Variants in ARSJ observed in about 807,000 individuals in gnomAD.
The protein encoded by ARSJ is arylsulfatase J.
Under a neutral mutation model 35.9 loss-of-function variants are expected in ARSJ, and 26 were observed. That is an observed-to-expected ratio of 0.72 (90% CI 0.53 to 1.00). The LOEUF is 1.00. ARSJ is among the 50% of genes least tolerant of loss of function. The pLI is 0.00. For synonymous variants in ARSJ, 294 were observed against 267.6 expected, an observed-to-expected ratio of 1.10 and a Z score of -0.96; for missense variants, 667 against 723.6, an observed-to-expected ratio of 0.92 and a Z score of 0.90.
At position 113,965,983 on chromosome 4, in the gene ARSJ, G is replaced by C. The variant is rs557100180; in HGVS notation, c.398+12454C>G. ...AACCTCATAATGTTCAACTCCAAAG[G>C]TAATTTTAAAAAATCTGATAAAACA... On this transcript the variant is annotated intron_variant, in intron 1 of 1. Transcript: ENST00000315366. 3.0e-4 allele frequency among the ~76,000 whole-genome samples: 46 copies of C among 151,874 alleles called. 2 individuals are homozygous for C. In the South Asian group the frequency reaches 7.7e-3, roughly 25 times the overall value.
intron 1 of ARSJ, among the ~76,000 whole-genome samples, chr4:113,956,944 A>G (rs1031998622): frequency 1.3e-5 from 2 of 152,024 alleles, no homozygotes; most frequent in Non-Finnish European, 2.9e-5. Flanking sequence ...TGCAGTTTAG[A>G]AAGACAATTC....
intron 1 of ARSJ, among the ~76,000 whole-genome samples, chr4:113,965,657 T>C (rs1190352229): frequency 6.6e-6 from 1 of 152,140 alleles, no homozygotes; most frequent in African/African-American, 2.4e-5. Flanking sequence ...ACATAAGGTA[T>C]ATTTCTTAGC....
intron 1 of ARSJ, among the ~76,000 whole-genome samples, chr4:113,921,736 G>C (rs1052605598): frequency 1.8e-4 from 28 of 152,118 alleles, no homozygotes; most frequent in African/African-American, 5.8e-4. Context: ...TTTGAGGCCA[G>C]CTTTCTTTTT....
intron 1 of ARSJ, among the ~76,000 whole-genome samples, chr4:113,964,645 C>T (rs1015568843): frequency 3.3e-5 from 5 of 151,972 alleles, no homozygotes; most frequent in Non-Finnish European, 7.4e-5. Context: ...AGGTGTTAAA[C>T]AGTTGGGAGA....
chr4:113,968,326 T>C (rs2149284760), intron 1 of ARSJ, among the ~76,000 whole-genome samples: 1 of 152,248 alleles, frequency 6.6e-6, no homozygotes, highest in Non-Finnish European at 1.5e-5. Flanking sequence ...CTATATGAAG[T>C]TTATAATTTA....
At chr4:113,977,531 A>G (rs1393339634) in intron 1 of ARSJ, among the ~76,000 whole-genome samples, 1 of 152,206 alleles carries the variant, frequency 6.6e-6, no homozygotes, top group Non-Finnish European at 1.5e-5. Flanking sequence ...TGAAATGGCT[A>G]AGGATTTTCT....
chr4:113,954,300 T>C (rs1726036684), intron 1 of ARSJ, among the ~76,000 whole-genome samples: 1 of 152,064 alleles, frequency 6.6e-6, no homozygotes, highest in African/African-American at 2.4e-5. Context: ...TTAATAATGT[T>C]TTCTTAGCAG....
chr4:113,944,565 G>T (rs1023195750), intron 1 of ARSJ, among the ~76,000 whole-genome samples: 19 of 152,174 alleles, frequency 1.2e-4, no homozygotes, highest in African/African-American at 4.6e-4. Context: ...ACGGGCAAAA[G>T]AGATAACTGG....
At chr4:113,933,217 G>T (rs979149314) in intron 1 of ARSJ, among the ~76,000 whole-genome samples, 4 of 151,764 alleles carry the variant, frequency 2.6e-5, no homozygotes, top group African/African-American at 9.7e-5. Context: ...GTAATAAAAT[G>T]TCTCTGATCT....
intron 1 of ARSJ, among the ~76,000 whole-genome samples, chr4:113,966,151 A>G (rs575652627): frequency 3.9e-4 from 60 of 152,178 alleles, no homozygotes; most frequent in Admixed American, 1.4e-3. Flanking sequence ...AAATACAGGT[A>G]TGCTACCAAA....
chr4:113,974,202 G>A (rs189739427), intron 1 of ARSJ, among the ~76,000 whole-genome samples: 2 of 152,008 alleles, frequency 1.3e-5, no homozygotes, highest in Non-Finnish European at 2.9e-5. Flanking sequence ...AAAGACCATG[G>A]TCATGATCTT....
rs1031376874 is a variant in ARSJ, at chr4:113,902,809, A to G, written c.1265T>C (p.Ile422Thr). Reference sequence around the variant, plus strand: ...TTTTGCCTTGGTGTATATGGGGTCAATGTTATGCAAAATATCTACTCGGGG... The same window carrying G: ...TTTTGCCTTGGTGTATATGGGGTCAGTGTTATGCAAAATATCTACTCGGGG... ...RSPRVDILHN[I>T]DPIYTKAKNG... The change falls in exon 2 of 2, where the codon ATT (isoleucine) becomes ACT (threonine). Residue 422 changes from isoleucine (I) to threonine (T), a missense_variant. Ile to Thr is a moderately conservative substitution (Grantham distance 89, BLOSUM62 -1). Coordinates refer to ENST00000315366, the MANE Select transcript of ARSJ (RefSeq NM_024590.4). 3 of 1,614,008 alleles carry G rather than the reference A, an allele frequency of 1.9e-6. No homozygotes were observed. Among genetic ancestry groups the G allele is most frequent in the Non-Finnish European group, 2.5e-6 (3 of 1,180,038 alleles).
rs1392298442 is a variant in ARSJ, at chr4:113,900,921, A to T, written c.*1353T>A. On this transcript the variant is annotated 3_prime_UTR_variant, in exon 2 of 2. Coordinates refer to ENST00000315366, the MANE Select transcript of ARSJ (RefSeq NM_024590.4). ...TATCTCCCCACAGTGTCCACTTTGT[A>T]TAAGAGTAAGTTTATTACTTTTAAT... 1 of 152,186 alleles carries T rather than the reference A, an allele frequency of 6.6e-6. No homozygotes were observed. Among genetic ancestry groups the T allele is most frequent in the Non-Finnish European group, 1.5e-5 (1 of 68,036 alleles). The allele number at this position is 152,186 out of a possible 1,614,324, so 9.4% of individuals were successfully genotyped here.
intron 1 of ARSJ, among the ~76,000 whole-genome samples, chr4:113,913,272 A>G (rs938302636): frequency 1.3e-5 from 2 of 152,196 alleles, no homozygotes; most frequent in Admixed American, 6.5e-5. Flanking sequence ...AACCTTCAGG[A>G]CACCAAAGCT....
intron 1 of ARSJ, among the ~76,000 whole-genome samples, chr4:113,954,054 A>C (rs1726023892): frequency 6.6e-6 from 1 of 152,008 alleles, no homozygotes; most frequent in South Asian, 2.1e-4. Flanking sequence ...TGCTTTTCTC[A>C]AGACAGAGGT....
intron 1 of ARSJ, among the ~76,000 whole-genome samples, chr4:113,969,900 C>T (rs769123941): frequency 2.6e-5 from 4 of 152,138 alleles, no homozygotes; most frequent in Non-Finnish European, 5.9e-5. Flanking sequence ...ATCAGCTTTG[C>T]TGCTTAGGGG....
chr4:113,904,025 C>T lies in ARSJ; in HGVS notation c.399-350G>A, dbSNP rs983323856. On this transcript the variant is annotated intron_variant, in intron 1 of 1. Coordinates refer to ENST00000315366, the MANE Select transcript of ARSJ (RefSeq NM_024590.4). Reference sequence around the variant, plus strand: ...GCAACTTTCACCTCCCAGGTTCAAGCGATTCTCCTGCCTCAGCCTCCCCAG... The same window carrying T: ...GCAACTTTCACCTCCCAGGTTCAAGTGATTCTCCTGCCTCAGCCTCCCCAG... Among the ~76,000 whole-genome samples the T allele has an allele frequency of 7.9e-5, 12 of 152,054 alleles. No individual in the cohort carries two copies. In the South Asian group the frequency reaches 1.7e-3, roughly 21 times the overall value.
intron 1 of ARSJ, among the ~76,000 whole-genome samples, chr4:113,936,178 A>G (rs1724755145): frequency 2.0e-5 from 3 of 151,882 alleles, no homozygotes; most frequent in Admixed American, 1.3e-4. Context: ...GTGTAACTCA[A>G]ATGGTGCAGT....
chr4:113,916,917 A>C (rs1299005510), intron 1 of ARSJ, among the ~76,000 whole-genome samples: 1 of 152,168 alleles, frequency 6.6e-6, no homozygotes, highest in Non-Finnish European at 1.5e-5. Context: ...AACAAGGAGG[A>C]TAGGTGCTGA....
Sources: allele counts gnomAD v4.1 joint callset (sites outside exome capture counted in the v4.1 genomes callset), GRCh38; gene constraint gnomAD v4.1.1; transcripts MANE v1.5; gene names NCBI Gene and HGNC (gene_info 2026-07-23, HGNC 2026-07-21).